PLEKHM1: variants seen among roughly 807,000 people sequenced by gnomAD.
PLEKHM1 encodes pleckstrin homology domain-containing family M member 1.
A neutral mutation model predicts 94.3 loss-of-function variants in PLEKHM1; 28 were observed. The ratio of observed to expected loss-of-function variants is 0.30; its 90% CI spans 0.22 to 0.41. The LOEUF is 0.41. PLEKHM1 is among the 10% of genes least tolerant of loss of function. The probability of loss-of-function intolerance (pLI) is 1.00; values close to 1 mark genes in which losing one functional copy is unlikely to be tolerated. For missense variants in PLEKHM1, 907 were observed against 1,358.6 expected (o/e 0.67, Z 5.22); for synonymous variants, 424 against 581.2 (o/e 0.73, Z 3.89).
chr17:45,458,031 G>A, intron 6 of PLEKHM1, 138 bp downstream of exon 6: 1 of 671,842 alleles, frequency 1.5e-6, no homozygotes, highest in Non-Finnish European at 2.6e-6. Context: ...GATTATGATG[G>A]CATTCTGGAA....
In PLEKHM1 at chr17:45,437,845, C is replaced by T. The variant is rs1424620299; in HGVS notation, c.*13G>A. ...TCACCCCCGGCTTTCAGAGCGGGGT[C>T]AGCAGATGGGCATCAGGCGAAAATG... On this transcript the variant is annotated 3_prime_UTR_variant, in exon 12 of 12. Transcript: ENST00000430334. The surrounding 1 kb of genome is among the most constrained non-coding windows in gnomAD (Gnocchi z 4.0). The T allele has an allele frequency of 2.5e-6, 4 of 1,603,960 alleles. No homozygotes were observed. In the African/African-American group the frequency reaches 5.3e-5, roughly 21 times the overall value.
At chr17:45,469,698 G>C (rs2145289836) in intron 4 of PLEKHM1, among the ~76,000 whole-genome samples, 1 of 152,298 alleles carries the variant, frequency 6.6e-6, no homozygotes. Context: ...TGTCTTTCCA[G>C]TGAGCTCTGC....
chr17:45,475,735 G>A lies in PLEKHM1; in HGVS notation c.297-9C>T. ...ACTCTGAGATGATGTGTCTGGGAAG[G>A]GAGAACAGACGTGTTTCAAGAAACT... On this transcript the variant is annotated splice_polypyrimidine_tract_variant and intron_variant, in intron 3 of 11. Transcript: ENST00000430334. The A allele has an allele frequency of 4.4e-6, 7 of 1,594,578 alleles. No individual in the cohort carries two copies. The highest frequency in any genetic ancestry group is 6.0e-6 in the Non-Finnish European group (7 of 1,170,346).
At chr17:45,452,608 T>A (rs2050804145) in intron 7 of PLEKHM1, among the ~76,000 whole-genome samples, 1 of 151,382 alleles carries the variant, frequency 6.6e-6, no homozygotes, top group Non-Finnish European at 1.5e-5. Flanking sequence ...AATGAGATAA[T>A]CCAAATAAAG....
chr17:45,487,784 G>A (rs5014043), intron 1 of PLEKHM1: 1 of 456,068 alleles, frequency 2.2e-6, no homozygotes, highest in Non-Finnish European at 4.4e-6. Context: ...TCCACCATCA[G>A]TGAACAGCAA....
Position 45,439,544 on chromosome 17 carries a change from C to T in PLEKHM1, c.2992G>A (p.Gly998Ser), listed in dbSNP as rs748942093. 17 of 1,614,212 alleles carry T rather than the reference C, an allele frequency of 1.1e-5. No homozygotes were observed. The highest frequency in any genetic ancestry group is 5.5e-5 in the South Asian group (5 of 91,088). The change falls in exon 11 of 12, where the codon GGC (glycine) becomes AGC (serine). Residue 998 changes from glycine to serine, a missense_variant. This residue lies in a region of PLEKHM1 where 254 missense variants were observed against 451.1 expected (regional missense o/e 0.56). Transcript: ENST00000430334. ...TGCTGGCAGATCTGGCAGATGAAGC[C>T]GCGCTGGGTGCACAGGTCGCAGTGG... ...VYHCDLCTQR[G>S]FICQICQHHD...
chr17:45,457,925 T>G (rs1416767714), intron 6 of PLEKHM1, among the ~76,000 whole-genome samples: 1 of 152,118 alleles, frequency 6.6e-6, no homozygotes, highest in Non-Finnish European at 1.5e-5. Flanking sequence ...AGGGAAAATA[T>G]TTTCCTATTT....
chr17:45,459,034 G>A (rs138190835), intron 5 of PLEKHM1, among the ~76,000 whole-genome samples: 242 of 152,106 alleles, frequency 1.6e-3, no homozygotes, highest in African/African-American at 5.7e-3. Context: ...AGGCTGAAGC[G>A]GGAGAATCGC....
At position 45,453,635 on chromosome 17, in the gene PLEKHM1, G is replaced by A. The variant is rs1036272668; in HGVS notation, c.2217C>T (p.Ser739=). The A allele has an allele frequency of 3.7e-6, 6 of 1,611,456 alleles. No individual in the cohort carries two copies. Among genetic ancestry groups the A allele is most frequent in the Non-Finnish European group, 5.1e-6 (6 of 1,178,700 alleles). The change falls in exon 7 of 12, where the codon AGC becomes AGT. Residue 739 remains serine (S), a synonymous_variant. Coordinates refer to ENST00000430334, the MANE Select transcript of PLEKHM1 (RefSeq NM_014798.3). The surrounding 1 kb of genome is among the most constrained non-coding windows in gnomAD (Gnocchi z 4.1). ...ETIRDILPDT[S]LGGPSFFKII... ...TTTTGAAGAAGGATGGGCCCCCAAG[G>A]CTGGTGTCTGGCAGGATGTCCCGGA...
At position 45,437,213 on chromosome 17, in the gene PLEKHM1, G is replaced by A. The variant is rs538864065; in HGVS notation, c.*645C>T. 7.0e-4 allele frequency: 319 copies of A among 452,728 alleles called. 2 individuals carry two copies. Among genetic ancestry groups the A allele is most frequent in the Non-Finnish European group, 9.8e-4 (221 of 225,512 alleles). 28.0% of individuals were successfully genotyped at this position (452,728 alleles called of 1,614,324 possible). The stretch of plus-strand genomic sequence containing the variant: ...GGAGTAAAGAGGACACAGAGGAACC[G>A]GGGTCGCCAGGACTGGCCCTGCCCT... On this transcript the variant is annotated 3_prime_UTR_variant, in exon 12 of 12. Transcript: ENST00000430334. This position sits in a 1 kb window ranked among gnomAD's most constrained non-coding sequence, Gnocchi z 4.0.
intron 4 of PLEKHM1, among the ~76,000 whole-genome samples, chr17:45,474,099 C>T (rs972263928): frequency 6.6e-6 from 1 of 151,240 alleles, no homozygotes; most frequent in Non-Finnish European, 1.5e-5. Flanking sequence ...CTCTGTCACC[C>T]AGGCTGGAGT....
chr17:45,482,326 T>G, intron 2 of PLEKHM1, 111 bp downstream of exon 2: 1 of 475,772 alleles, frequency 2.1e-6, no homozygotes, highest in Non-Finnish European at 4.1e-6. Flanking sequence ...CTGTAACTTT[T>G]TCTCAACCTG....
At chr17:45,442,568 G>C (rs1308574307) in intron 9 of PLEKHM1, among the ~76,000 whole-genome samples, 2 of 152,124 alleles carry the variant, frequency 1.3e-5, no homozygotes, top group African/African-American at 4.8e-5. Flanking sequence ...ACCACGCCCG[G>C]CTAATTTTGT....
intron 5 of PLEKHM1, among the ~76,000 whole-genome samples, chr17:45,467,130 T>A (rs1191213535): frequency 6.6e-6 from 1 of 152,210 alleles, no homozygotes; most frequent in Non-Finnish European, 1.5e-5. Flanking sequence ...GTATTTTTTG[T>A]ACAGATGGGG....
Position 45,481,974 on chromosome 17 carries a change from T to C in PLEKHM1, c.48+463A>G, listed in dbSNP as rs569578959. The stretch of plus-strand genomic sequence containing the variant: ...GATAGCCCAGGAGGGTGCAAAGGGC[T>C]GTCCAAGAAAAGGTCCTAGGGGGCT... On this transcript the variant is annotated intron_variant, in intron 2 of 11. Coordinates refer to ENST00000430334, the MANE Select transcript of PLEKHM1 (RefSeq NM_014798.3). Among the ~76,000 whole-genome samples the C allele has an allele frequency of 4.5e-4, 69 of 152,230 alleles. 2 individuals are homozygous for C. The East Asian group carries it at 0.013, about 29-fold the overall frequency.
At chr17:45,449,061 T>C (rs568157946) in intron 8 of PLEKHM1, among the ~76,000 whole-genome samples, 1 of 152,180 alleles carries the variant, frequency 6.6e-6, no homozygotes, top group South Asian at 2.1e-4. Context: ...AACTTTAAAA[T>C]GTTAAACAAT....
At chr17:45,489,445 T>G (rs2868668) in intron 1 of PLEKHM1, among the ~76,000 whole-genome samples, 1 of 152,174 alleles carries the variant, frequency 6.6e-6, no homozygotes, top group Non-Finnish European at 1.5e-5. Context: ...CAGAAGGAAG[T>G]GACAGCTTCC....
At chr17:45,488,766 C>A (rs2052211539) in intron 1 of PLEKHM1, among the ~76,000 whole-genome samples, 1 of 152,136 alleles carries the variant, frequency 6.6e-6, no homozygotes, top group Non-Finnish European at 1.5e-5. Flanking sequence ...CAGAGAAACC[C>A]CCATCTCTAC....
rs1437686128 is a variant in PLEKHM1, at chr17:45,468,515, T to C, written c.1002A>G (p.Thr334=). The part of the protein sequence containing the change: ...NGLSQETEIP[T]PQASLSLHGL... ...CATGGAGGGAGAGCGAGGCCTGTGG[T>C]GTGGGGATCTCTGTTTCTTGGCTCA... Residue 334 remains threonine (T), a synonymous_variant, in exon 5 of 12, where the codon ACA becomes ACG. Coordinates refer to ENST00000430334, the MANE Select transcript of PLEKHM1 (RefSeq NM_014798.3). 1.9e-6 allele frequency: 3 copies of C among 1,614,174 alleles called. No homozygotes were observed. Among genetic ancestry groups the C allele is most frequent in the South Asian group, 2.2e-5 (2 of 91,084 alleles).
Sources: allele counts gnomAD v4.1 joint callset (sites outside exome capture counted in the v4.1 genomes callset), GRCh38; gene constraint gnomAD v4.1.1; regional missense constraint gnomAD v4.1.1; non-coding constraint Gnocchi (gnomAD v3.1); transcripts MANE v1.5; gene names NCBI Gene and HGNC (gene_info 2026-07-23, HGNC 2026-07-21).